MYO16: variants seen among roughly 807,000 people sequenced by gnomAD.
MYO16 encodes myosin XVI.
In MYO16, 94 loss-of-function variants were observed where a neutral mutation model predicts 205.3. The observed-to-expected ratio is 0.46, with a 90% CI of 0.39 to 0.54. The LOEUF (loss-of-function observed/expected upper bound fraction) is 0.54. Among genes scored for constraint, MYO16 ranks in the 20% least tolerant of loss-of-function variants. The probability of loss-of-function intolerance (pLI) is 0.00; values close to 1 mark genes in which losing one functional copy is unlikely to be tolerated. For missense variants in MYO16, 2,315 were observed against 2,387.5 expected (o/e 0.97, Z 0.63); for synonymous variants, 988 against 954.0 (o/e 1.04, Z -0.66).
chr13:108,754,515 CGT>C (rs10684656), intron 4 of MYO16, among the ~76,000 whole-genome samples: 9 of 150,476 alleles, frequency 6.0e-5, no homozygotes, highest in East Asian at 2.0e-4. Flanking sequence ...CAGGTTTTGG[CGT>C]GTGTGTGTGT....
chr13:108,809,422 G>T (rs1490128652), intron 7 of MYO16, among the ~76,000 whole-genome samples: 3 of 152,164 alleles, frequency 2.0e-5, no homozygotes, highest in Non-Finnish European at 2.9e-5. Flanking sequence ...CTCACAGTCT[G>T]CAGACTGTAC....
intron 23 of MYO16, among the ~76,000 whole-genome samples, chr13:109,036,467 A>G (rs757198858): frequency 1.1e-4 from 16 of 152,052 alleles, no homozygotes; most frequent in Non-Finnish European, 2.4e-4. Context: ...AATTGTATTT[A>G]TTGCAGTGCT....
the MYO16 span, among the ~76,000 whole-genome samples, chr13:108,503,457 T>A: frequency 6.6e-6 from 1 of 151,890 alleles, no homozygotes; most frequent in South Asian, 2.1e-4. Context: ...TTTTTTTTTT[T>A]AAATAAAAGG....
chr13:108,816,739 T>C (rs1421132574), intron 7 of MYO16, among the ~76,000 whole-genome samples: 5 of 152,236 alleles, frequency 3.3e-5, no homozygotes, highest in Non-Finnish European at 7.3e-5. Context: ...ACTTTCAGGA[T>C]GCCTGTCCGC....
intron 1 of MYO16, among the ~76,000 whole-genome samples, chr13:108,641,861 A>G (rs1207629260): frequency 6.6e-6 from 1 of 152,204 alleles, no homozygotes; most frequent in African/African-American, 2.4e-5. Flanking sequence ...AGTGAAATTC[A>G]GTAAATCATG....
At chr13:108,531,153 G>C in the MYO16 span, among the ~76,000 whole-genome samples, 1 of 152,310 alleles carries the variant, frequency 6.6e-6, no homozygotes, top group South Asian at 2.1e-4. Context: ...ATTCACAGTG[G>C]AGAAGATAGT....
intron 22 of MYO16, among the ~76,000 whole-genome samples, chr13:109,019,318 T>C (rs1885941525): frequency 6.6e-6 from 1 of 152,168 alleles, no homozygotes; most frequent in African/African-American, 2.4e-5. Flanking sequence ...ATAAGCTTTA[T>C]TTTTTGATAA....
chr13:108,671,091 A>G (rs990829592), intron 2 of MYO16, among the ~76,000 whole-genome samples: 1 of 152,224 alleles, frequency 6.6e-6, no homozygotes, highest in Non-Finnish European at 1.5e-5. Context: ...GAATTAATAC[A>G]TGATTAACTT....
rs372277657 is a variant in MYO16, at chr13:108,606,635, C to T, written c.-39+10396C>T. On this transcript the variant is annotated intron_variant, in intron 1 of 24. Transcript: ENST00000251041. ...GTAGAAGTCTGCTGCAGGGGTGGAG[C>T]CCTCAGAGAACCTCTGCTAGGGCAG... Among the ~76,000 whole-genome samples, 11 of 152,278 alleles carry T rather than the reference C, an allele frequency of 7.2e-5. No individual in the cohort carries two copies. In the South Asian group the frequency reaches 1.5e-3, roughly 20 times the overall value.
At chr13:108,548,212 G>A in the MYO16 span, among the ~76,000 whole-genome samples, 1 of 151,140 alleles carries the variant, frequency 6.6e-6, no homozygotes, top group Non-Finnish European at 1.5e-5. Context: ...TGATAATGAT[G>A]ATGATGGTGG....
chr13:109,047,266 A>G lies in MYO16; in HGVS notation c.2872+275A>G, dbSNP rs145250575. ...TACTACTTTAGTGGGTTGAATATAGAAAAGCTTTTCTGTGAAGACTAATGA... is the reference window on the plus strand; with the variant it reads ...TACTACTTTAGTGGGTTGAATATAGGAAAGCTTTTCTGTGAAGACTAATGA... On this transcript the variant is annotated intron_variant, in intron 24 of 34. Transcript: ENST00000457511. Among the ~76,000 whole-genome samples the G allele has an allele frequency of 2.6e-5, 4 of 152,292 alleles. No individual in the cohort carries two copies. The East Asian group carries it at 7.7e-4, about 29-fold the overall frequency.
the MYO16 span, among the ~76,000 whole-genome samples, chr13:108,585,102 CGAAA>C: frequency 6.6e-6 from 1 of 152,002 alleles, no homozygotes; most frequent in African/African-American, 2.4e-5. Flanking sequence ...ATTTTGTTGA[CGAAA>C]GAGTCAAACT....
At chr13:109,156,275 A>G (rs963438032) in intron 32 of MYO16, among the ~76,000 whole-genome samples, 2 of 152,174 alleles carry the variant, frequency 1.3e-5, no homozygotes, top group African/African-American at 2.4e-5. Flanking sequence ...AAATTTTACA[A>G]ACGAGAACTT....
At chr13:108,723,335 G>C (rs1490237611) in intron 3 of MYO16, among the ~76,000 whole-genome samples, 1 of 152,028 alleles carries the variant, frequency 6.6e-6, no homozygotes, top group Non-Finnish European at 1.5e-5. Context: ...AGTATCTTCT[G>C]AAGGGTAGAG....
intron 4 of MYO16, among the ~76,000 whole-genome samples, chr13:108,784,222 T>C (rs1886390977): frequency 6.6e-6 from 1 of 151,346 alleles, no homozygotes; most frequent in African/African-American, 2.4e-5. Flanking sequence ...AGAATATCCC[T>C]GAAGTCAGGG....
intron 4 of MYO16, chr13:108,779,946 C>A (rs373943787): frequency 1.3e-5 from 2 of 152,234 alleles, no homozygotes; most frequent in East Asian, 3.9e-4. Context: ...CAACATGGAG[C>A]CTGAAATCAT....
the MYO16 span, among the ~76,000 whole-genome samples, chr13:108,499,892 C>A: frequency 6.6e-6 from 1 of 152,192 alleles, no homozygotes; most frequent in South Asian, 2.1e-4. Context: ...TCCGTTCCCT[C>A]CCTCCACTTC....
In MYO16 at chr13:109,162,451, G is replaced by C. The variant is rs1878434488; in HGVS notation, c.5165-2450G>C. 6.6e-6 allele frequency among the ~76,000 whole-genome samples: 1 copy of C among 152,162 alleles called. No homozygotes were observed. Among genetic ancestry groups the C allele is most frequent in the Non-Finnish European group, 1.5e-5 (1 of 68,042 alleles). On this transcript the variant is annotated intron_variant, in intron 32 of 34. Coordinates refer to ENST00000457511, the MANE Select transcript of MYO16 (RefSeq NM_001198950.3). The surrounding 1 kb of genome is among the most constrained non-coding windows in gnomAD (Gnocchi z 4.6). ...ACATGGTGAGCTCTTTCCTGCTTTG[G>C]GGTATTTACACATGGTGTGGAGGTT... is the stretch of plus-strand genomic sequence containing the variant.
intron 7 of MYO16, among the ~76,000 whole-genome samples, chr13:108,818,168 G>A (rs1875742648): frequency 6.6e-6 from 1 of 152,080 alleles, no homozygotes; most frequent in African/African-American, 2.4e-5. Context: ...CTGATCACTT[G>A]AGGTTAGGAG....
Sources: gnomAD v4.1 joint callset for allele counts (sites outside exome capture counted in the v4.1 genomes callset) on GRCh38, gnomAD v4.1.1 for gene constraint, Gnocchi (gnomAD v3.1) non-coding constraint, MANE v1.5 for transcripts, NCBI Gene and HGNC (gene_info 2026-07-23, HGNC 2026-07-21) for gene names.